The following LRRC28 variants were observed in gnomAD, a reference collection of about 807,000 sequenced individuals.
LRRC28 encodes the protein leucine-rich repeat-containing protein 28.
Under a neutral mutation model 45.7 loss-of-function variants are expected in LRRC28, and 39 were observed. That is an observed-to-expected ratio of 0.85 (90% CI 0.66 to 1.12). LRRC28 has a LOEUF of 1.12. Ranked by LOEUF, LRRC28 falls within the 50% of genes most tolerant of loss-of-function variation. LRRC28 has a pLI of 0.00. For missense variants in LRRC28, 435 were observed against 438.5 expected, an observed-to-expected ratio of 0.99 and a Z score of 0.07; for synonymous variants, 206 against 178.8, an observed-to-expected ratio of 1.15 and a Z score of -1.22.
At chr15:99,352,511 A>T (rs1224898382) in intron 7 of LRRC28, 40 bp downstream of exon 7, 1 of 1,497,552 alleles carries the variant, frequency 6.7e-7, no homozygotes, top group Non-Finnish European at 9.3e-7. Flanking sequence ...AAATAGATTA[A>T]CTACTTTTGG....
rs146668978 is a variant in LRRC28 at position 99,259,122 on chromosome 15, G to A, written c.168+2997G>A. On this transcript the variant is annotated intron_variant, in intron 2 of 9. Transcript: ENST00000301981. The stretch of plus-strand genomic sequence containing the variant: ...GGTGTAATTGAAGACCACTCGAATC[G>A]AACATGTCTTGCTAAACTTCTTAGG... 752 of 1,326,294 alleles carry A rather than the reference G, an allele frequency of 5.7e-4. 4 individuals carry two copies. The African/African-American group carries it at 9.5e-3, about 17-fold the overall frequency. The allele number at this position is 1,326,294 out of a possible 1,614,324, so 82.2% of individuals were successfully genotyped here. A position where few individuals can be genotyped will look rare whatever the true frequency, so the allele number is the denominator to read the frequency against.
intron 3 of LRRC28, 43 bp from the exon 4 acceptor site, chr15:99,287,214 G>A (rs1346372837): frequency 6.7e-7 from 1 of 1,501,668 alleles, no homozygotes; most frequent in Non-Finnish European, 9.0e-7. Flanking sequence ...TCTGGCAAAA[G>A]TACTTAATGA....
chr15:99,278,947 G>C (rs2081700074), intron 3 of LRRC28, among the ~76,000 whole-genome samples: 1 of 152,174 alleles, frequency 6.6e-6, no homozygotes, highest in Non-Finnish European at 1.5e-5. Context: ...GCTTGATGTT[G>C]GCTAGAGCAC....
chr15:99,360,728 A>C (rs1455277427), intron 7 of LRRC28, among the ~76,000 whole-genome samples: 1 of 152,208 alleles, frequency 6.6e-6, no homozygotes, highest in East Asian at 1.9e-4. Context: ...TGGATTTGTG[A>C]GTTTCGGTAA....
intron 9 of LRRC28, among the ~76,000 whole-genome samples, chr15:99,385,208 G>T (rs1957946339): frequency 6.6e-6 from 1 of 152,168 alleles, no homozygotes; most frequent in Non-Finnish European, 1.5e-5. Flanking sequence ...GCCTCCTGCT[G>T]GTGCCTCTCG....
intron 5 of LRRC28, among the ~76,000 whole-genome samples, chr15:99,320,244 A>G (rs867148908): frequency 6.6e-6 from 1 of 152,216 alleles, no homozygotes; most frequent in Non-Finnish European, 1.5e-5. Context: ...AGACAAATGC[A>G]TAATTAATAG....
intron 2 of LRRC28, among the ~76,000 whole-genome samples, chr15:99,265,785 G>A (rs1377824308): frequency 6.6e-6 from 1 of 152,076 alleles, no homozygotes; most frequent in East Asian, 1.9e-4. Context: ...TAACCTCTTT[G>A]GACCTCAGTT....
chr15:99,351,315 A>G (rs1254525817), intron 6 of LRRC28, among the ~76,000 whole-genome samples: 1 of 152,112 alleles, frequency 6.6e-6, no homozygotes, highest in Non-Finnish European at 1.5e-5. Flanking sequence ...GGGAATCTCC[A>G]TCCGTACTTT....
intron 5 of LRRC28, among the ~76,000 whole-genome samples, chr15:99,317,959 G>T (rs1050483366): frequency 5.3e-5 from 8 of 152,086 alleles, no homozygotes; most frequent in African/African-American, 1.7e-4. Flanking sequence ...CACAATAAAA[G>T]ATTTTGAATT....
In LRRC28 at chr15:99,279,296, C is replaced by T. The variant is rs192633537; in HGVS notation, c.209+2680C>T. On this transcript the variant is annotated intron_variant, in intron 3 of 9. Transcript: ENST00000301981. ...ATACATGACTTTTTGTTTATCTGTT[C>T]ATCAGTTGATAGACATTTGAGTGGT... is the stretch of plus-strand genomic sequence containing the variant. Among the ~76,000 whole-genome samples, 7 of 152,266 alleles carry T rather than the reference C, an allele frequency of 4.6e-5. No homozygotes were observed. The East Asian group carries it at 1.3e-3, about 29-fold the overall frequency.
intron 5 of LRRC28, among the ~76,000 whole-genome samples, chr15:99,288,233 A>G (rs2082010788): frequency 1.3e-5 from 2 of 152,238 alleles, no homozygotes; most frequent in Admixed American, 6.5e-5. Flanking sequence ...TATTTGTACA[A>G]AGAGTTACTT....
intron 9 of LRRC28, 143 bp downstream of exon 9, chr15:99,363,408 A>G: frequency 1.2e-6 from 1 of 822,804 alleles, no homozygotes; most frequent in South Asian, 2.0e-5. Context: ...AAATGAAACG[A>G]TGCTCACTTT....
At chr15:99,283,401 C>T (rs1185879560) in intron 3 of LRRC28, among the ~76,000 whole-genome samples, 4 of 149,762 alleles carry the variant, frequency 2.7e-5, no homozygotes, top group Non-Finnish European at 4.4e-5. Flanking sequence ...ATCACGAGGT[C>T]AGGAGTTTGA....
At chr15:99,267,123 A>G (rs915835375) in intron 2 of LRRC28, among the ~76,000 whole-genome samples, 2 of 152,248 alleles carry the variant, frequency 1.3e-5, no homozygotes, top group Non-Finnish European at 2.9e-5. Context: ...GTTTTTATCA[A>G]GCTTTCTAAT....
chr15:99,328,079 G>T (rs1956042635), intron 5 of LRRC28, among the ~76,000 whole-genome samples: 1 of 152,144 alleles, frequency 6.6e-6, no homozygotes, highest in East Asian at 1.9e-4. Context: ...AACATACTTT[G>T]TATGATTTAA....
chr15:99,281,155 G>T (rs1177995749), intron 3 of LRRC28, among the ~76,000 whole-genome samples: 2 of 150,798 alleles, frequency 1.3e-5, no homozygotes, highest in African/African-American at 4.9e-5. Flanking sequence ...AGCCTCCCAA[G>T]TAGCTAGAAG....
At chr15:99,379,839 A>G (rs963278688) in intron 9 of LRRC28, among the ~76,000 whole-genome samples, 1 of 152,184 alleles carries the variant, frequency 6.6e-6, no homozygotes, top group Middle Eastern at 3.2e-3. Flanking sequence ...GTTTCCATGT[A>G]GTTGAGGAGT....
At position 99,361,384 on chromosome 15, in the gene LRRC28, A is replaced by T; in HGVS notation, c.744A>T (p.Ser248=). Residue 248 remains serine (S), a synonymous_variant, in exon 8 of 10, where the codon TCA becomes TCT. Transcript: ENST00000301981. The part of the protein sequence containing the change: ...QVSEVKLLSF[S]SGQRTVFLPA... ...CCGAGGTGAAGCTGCTTTCCTTTTC[A>T]TCAGGGCAGCGAACCGTTTTCCTCC... 1 of 1,613,832 alleles carries T rather than the reference A, an allele frequency of 6.2e-7. No homozygotes were observed. Among genetic ancestry groups the T allele is most frequent in the Non-Finnish European group, 8.5e-7 (1 of 1,179,912 alleles).
intron 5 of LRRC28, among the ~76,000 whole-genome samples, chr15:99,294,299 T>C (rs2082208239): frequency 6.6e-6 from 1 of 152,198 alleles, no homozygotes; most frequent in Non-Finnish European, 1.5e-5. Flanking sequence ...CATTAGATAA[T>C]TTGGTATTCT....
Sources: gnomAD v4.1 joint callset for allele counts (sites outside exome capture counted in the v4.1 genomes callset) on GRCh38, gnomAD v4.1.1 for gene constraint, MANE v1.5 for transcripts, NCBI Gene and HGNC (gene_info 2026-07-23, HGNC 2026-07-21) for gene names.